PACRG: variants seen among roughly 807,000 people sequenced by gnomAD.
PACRG encodes parkin coregulated, also known as parkin coregulated gene protein.
PACRG carries 29 observed loss-of-function variants against 29.7 expected under a neutral mutation model. That is an observed-to-expected ratio of 0.98 (90% CI 0.73 to 1.33). The LOEUF is 1.33. Among genes scored for constraint, PACRG ranks in the 40% most tolerant of loss-of-function variants. The pLI, the probability that PACRG is intolerant of heterozygous loss-of-function variation, is 0.00. For synonymous variants in PACRG, 116 were observed against 118.7 expected (o/e 0.98, Z 0.15); for missense variants, 279 against 316.2 (o/e 0.88, Z 0.89).
chr6:162,947,354 TATATA>T (rs1562765701), intron 2 of PACRG, among the ~76,000 whole-genome samples: 2 of 47,108 alleles, frequency 4.2e-5, no homozygotes, highest in African/African-American at 7.7e-5. Flanking sequence ...TGATTACATA[TATATA>T]ATGTAATCAT....
rs950613304 is a variant in PACRG, at chr6:163,140,959, G to A, written c.613+51551G>A. 2.6e-5 allele frequency among the ~76,000 whole-genome samples: 4 copies of A among 152,196 alleles called. No individual in the cohort carries two copies. In the East Asian group the frequency reaches 5.8e-4, roughly 22 times the overall value. ...GGGAGAGACGAATGAGCTGAAAGCT[G>A]CTCTTCGAATTGGAAGTGTATTTCC... On this transcript the variant is annotated intron_variant, in intron 4 of 4. Coordinates refer to ENST00000366888, the MANE Select transcript of PACRG (RefSeq NM_001080379.2).
intron 1 of PACRG, among the ~76,000 whole-genome samples, chr6:162,810,036 G>A (rs1382279051): frequency 6.6e-6 from 1 of 152,092 alleles, no homozygotes; most frequent in Non-Finnish European, 1.5e-5. Context: ...CACTGCCCAG[G>A]GTAATGAGGC....
rs1397425873 is a variant in PACRG at position 163,116,068 on chromosome 6, A to T, written c.613+26660A>T. On this transcript the variant is annotated intron_variant, in intron 4 of 4. Coordinates refer to ENST00000366888, the MANE Select transcript of PACRG (RefSeq NM_001080379.2). ...AACTTCCTGAGGGGTGTATTAGTGC[A>T]TTCTCACACAGTTGTAAGGAAATAC... is the stretch of plus-strand genomic sequence containing the variant. Among the ~76,000 whole-genome samples the T allele has an allele frequency of 2.0e-5, 3 of 152,204 alleles. No individual in the cohort carries two copies. The East Asian group carries it at 5.8e-4, about 29-fold the overall frequency.
At chr6:162,792,481 A>G (rs1354738592) in intron 1 of PACRG, among the ~76,000 whole-genome samples, 1 of 152,118 alleles carries the variant, frequency 6.6e-6, no homozygotes, top group African/African-American at 2.4e-5. Flanking sequence ...TTTGTCAGAA[A>G]CCTGGCTGGC....
intron 2 of PACRG, among the ~76,000 whole-genome samples, chr6:163,029,812 C>T (rs1015315398): frequency 6.6e-6 from 1 of 152,168 alleles, no homozygotes; most frequent in African/African-American, 2.4e-5. Context: ...ACTCAGTCAT[C>T]CAACCAGCTG....
At chr6:162,762,853 T>C (rs1782486057) in intron 1 of PACRG, among the ~76,000 whole-genome samples, 1 of 152,242 alleles carries the variant, frequency 6.6e-6, no homozygotes, top group Non-Finnish European at 1.5e-5. Context: ...AAAGTATAAC[T>C]TTGATTTATG....
At chr6:163,079,799 T>A (rs1812901941) in intron 3 of PACRG, among the ~76,000 whole-genome samples, 1 of 152,054 alleles carries the variant, frequency 6.6e-6, no homozygotes, top group South Asian at 2.1e-4. Context: ...GCACATTGTA[T>A]CTTTCTTTAC....
chr6:163,094,117 G>A (rs182900452), intron 4 of PACRG, among the ~76,000 whole-genome samples: 2 of 152,240 alleles, frequency 1.3e-5, no homozygotes, highest in East Asian at 3.9e-4. Context: ...CTTTTCAAAC[G>A]TTGATGAACT....
intron 1 of PACRG, among the ~76,000 whole-genome samples, chr6:162,744,918 C>T (rs1780870974): frequency 1.3e-5 from 2 of 151,978 alleles, no homozygotes; most frequent in Admixed American, 1.3e-4. Flanking sequence ...TTAACCATAT[C>T]ACAGAACCTA....
intron 4 of PACRG, among the ~76,000 whole-genome samples, chr6:163,254,688 T>C (rs1020983483): frequency 6.6e-6 from 1 of 152,208 alleles, no homozygotes; most frequent in African/African-American, 2.4e-5. Context: ...CATGAGGCTG[T>C]CCTGGACCCC....
chr6:162,773,791 T>A (rs186945622), intron 1 of PACRG, among the ~76,000 whole-genome samples: 141 of 152,274 alleles, frequency 9.3e-4, no homozygotes, highest in Admixed American at 1.5e-3. Context: ...TCATTTTTTT[T>A]AATTAAATAG....
rs566038467 is a variant in PACRG, at chr6:163,178,948, G to A, written c.613+89540G>A. ...AAATTACAAGTAACAATTCCTATTC[G>A]GGTTGATAGAGCTCTTTCTTTAAAA... On this transcript the variant is annotated intron_variant, in intron 4 of 4. Coordinates refer to ENST00000366888, the MANE Select transcript of PACRG (RefSeq NM_001080379.2). 1.2e-4 allele frequency among the ~76,000 whole-genome samples: 18 copies of A among 152,206 alleles called. No homozygotes were observed. In the South Asian group the frequency reaches 3.1e-3, roughly 26 times the overall value.
At chr6:162,912,927 A>AAC (rs1796412529) in intron 2 of PACRG, among the ~76,000 whole-genome samples, 1 of 151,704 alleles carries the variant, frequency 6.6e-6, no homozygotes, top group Non-Finnish European at 1.5e-5. Flanking sequence ...ACAAACAAAA[A>AAC]AAAAAAAAAC....
intron 2 of PACRG, among the ~76,000 whole-genome samples, chr6:162,945,922 G>A (rs1798968903): frequency 6.6e-6 from 1 of 152,034 alleles, no homozygotes; most frequent in Non-Finnish European, 1.5e-5. Context: ...ACTGGGTCAT[G>A]GAAGAAGTTA....
intron 4 of PACRG, among the ~76,000 whole-genome samples, chr6:163,272,819 T>C (rs900949416): frequency 6.6e-6 from 1 of 152,010 alleles, no homozygotes; most frequent in South Asian, 2.1e-4. Flanking sequence ...TATGATAAAA[T>C]GTATGAATAG....
chr6:163,012,950 G>T (rs1321194717), intron 2 of PACRG, among the ~76,000 whole-genome samples: 1 of 152,072 alleles, frequency 6.6e-6, no homozygotes, highest in Non-Finnish European at 1.5e-5. Context: ...TCTATACATG[G>T]TTAATAAGCA....
chr6:163,002,356 ATC>A (rs1348112592), intron 2 of PACRG, among the ~76,000 whole-genome samples: 1 of 152,182 alleles, frequency 6.6e-6, no homozygotes, highest in Non-Finnish European at 1.5e-5. Flanking sequence ...AGTCAGACTC[ATC>A]TGTTTATCTT....
At position 163,122,186 on chromosome 6, in the gene PACRG, A is replaced by G. The variant is rs1585240813; in HGVS notation, c.613+32778A>G. The stretch of plus-strand genomic sequence containing the variant: ...AGTACATTCATAATGTTTAGATAAT[A>G]TCTTGAGAAAAAAATAGACAAATTC... On this transcript the variant is annotated intron_variant, in intron 4 of 4. Coordinates refer to ENST00000366888, the MANE Select transcript of PACRG (RefSeq NM_001080379.2). Among the ~76,000 whole-genome samples the G allele has an allele frequency of 2.0e-5, 3 of 152,156 alleles. 1 individual carries two copies. The highest frequency in any genetic ancestry group is 4.1e-4 in the South Asian group (2 of 4,828).
intron 3 of PACRG, among the ~76,000 whole-genome samples, chr6:163,085,888 T>C (rs890929134): frequency 6.6e-6 from 1 of 152,256 alleles, no homozygotes; most frequent in Non-Finnish European, 1.5e-5. Context: ...ACTTGCCTGA[T>C]TCATTTCTGT....
Sources: allele counts gnomAD v4.1 joint callset (sites outside exome capture counted in the v4.1 genomes callset), GRCh38; gene constraint gnomAD v4.1.1; transcripts MANE v1.5; gene names NCBI Gene and HGNC (gene_info 2026-07-23, HGNC 2026-07-21).